TMEM245: variants seen among roughly 807,000 people sequenced by gnomAD.
The protein encoded by TMEM245 is transmembrane protein 245.
In TMEM245, 69 loss-of-function variants were observed where a neutral mutation model predicts 101.2. The ratio of observed to expected loss-of-function variants is 0.68; its 90% CI spans 0.56 to 0.83. The LOEUF (loss-of-function observed/expected upper bound fraction) is 0.83. TMEM245 is among the 40% of genes least tolerant of loss of function. The probability of loss-of-function intolerance (pLI) is 0.00; values close to 1 mark genes in which losing one functional copy is unlikely to be tolerated. For synonymous variants in TMEM245, 537 were observed against 449.8 expected (o/e 1.19, Z -2.45); for missense variants, 1,075 against 1,092.8 (o/e 0.98, Z 0.23).
At chr9:109,103,872 G>C (rs1830339802) in intron 3 of TMEM245, among the ~76,000 whole-genome samples, 1 of 152,132 alleles carries the variant, frequency 6.6e-6, no homozygotes, top group African/African-American at 2.4e-5. Flanking sequence ...GACCACCAGA[G>C]ATCAGGAGTT....
At chr9:109,115,431 A>C (rs12352618) in intron 1 of TMEM245, among the ~76,000 whole-genome samples, 8,309 of 152,022 alleles carry the variant, frequency 0.055, 364 homozygotes, top group East Asian at 0.13. Flanking sequence ...CATAGATATA[A>C]AAATAAAAGG....
chr9:109,067,118 C>T (rs1255077006), intron 9 of TMEM245, among the ~76,000 whole-genome samples: 1 of 151,366 alleles, frequency 6.6e-6, no homozygotes, highest in African/African-American at 2.4e-5. Context: ...CTTAATGATT[C>T]ACAAATGTCT....
chr9:109,117,870 G>A (rs979755113), intron 1 of TMEM245, among the ~76,000 whole-genome samples: 1 of 152,152 alleles, frequency 6.6e-6, no homozygotes, highest in Non-Finnish European at 1.5e-5. Context: ...ATTTTTCTTA[G>A]AACATAGTGT....
At chr9:109,070,107 G>A (rs760389700) in intron 9 of TMEM245, among the ~76,000 whole-genome samples, 4 of 152,164 alleles carry the variant, frequency 2.6e-5, no homozygotes, top group Admixed American at 6.5e-5. Flanking sequence ...TCCACAGGGC[G>A]CACCTCCAGA....
intron 7 of TMEM245, among the ~76,000 whole-genome samples, chr9:109,085,683 C>G (rs925900484): frequency 1.3e-5 from 2 of 152,184 alleles, no homozygotes; most frequent in East Asian, 3.9e-4. Context: ...TTTCACACAT[C>G]AAAGGAGACT....
Position 109,036,281 on chromosome 9 carries a change from T to C in TMEM245, c.2324A>G (p.Lys775Arg), listed in dbSNP as rs761157736. 1.2e-6 allele frequency: 2 copies of C among 1,613,712 alleles called. No homozygotes were observed. Among genetic ancestry groups the C allele is most frequent in the Non-Finnish European group, 1.7e-6 (2 of 1,179,820 alleles). The change falls in exon 16 of 18, where the codon AAG becomes AGG. Residue 775 changes from lysine to arginine, a missense_variant. Around this residue, in one of 2 missense-constraint regions of TMEM245, gnomAD observed 267 missense variants for 351.3 expected, o/e 0.76. Transcript: ENST00000374586. The part of the protein sequence containing the change: ...DLWLTQGLGC[K>R]AILLLIFHLL... ...ATGAAAAATCAACAGTAAAATGGCC[T>C]TGCATCCTAACCCTTGTGTCAGCCA...
intron 11 of TMEM245, 36 bp downstream of exon 11, chr9:109,060,318 A>C: frequency 6.9e-7 from 1 of 1,442,174 alleles, no homozygotes; most frequent in Non-Finnish European, 9.6e-7. Context: ...GGACTTTATT[A>C]GTTTACAACA....
chr9:109,074,794 A>G (rs762657197), intron 8 of TMEM245, among the ~76,000 whole-genome samples: 16 of 152,226 alleles, frequency 1.1e-4, no homozygotes, highest in Middle Eastern at 3.2e-3. Context: ...CCATCAAGTG[A>G]TACCACTTCC....
At chr9:109,088,065 T>A (rs1388540024) in intron 5 of TMEM245, among the ~76,000 whole-genome samples, 1 of 152,152 alleles carries the variant, frequency 6.6e-6, no homozygotes, top group Non-Finnish European at 1.5e-5. Flanking sequence ...AGAAGCCAAT[T>A]AAGAAGGTGG....
At chr9:109,026,366 A>T (rs1393292341) in intron 17 of TMEM245, among the ~76,000 whole-genome samples, 1 of 152,204 alleles carries the variant, frequency 6.6e-6, no homozygotes, top group Non-Finnish European at 1.5e-5. Flanking sequence ...TCTTGGGGGT[A>T]GGAAACGCTT....
chr9:109,028,921 G>A (rs989845229), intron 17 of TMEM245, among the ~76,000 whole-genome samples: 18 of 152,308 alleles, frequency 1.2e-4, no homozygotes, highest in East Asian at 5.8e-4. Context: ...GTCCTAAGCA[G>A]AGGACCCAAC....
rs1411083482 is a variant in TMEM245, at chr9:109,091,100, G to A, written c.972C>T (p.Ser324=). The A allele has an allele frequency of 3.1e-6, 5 of 1,614,056 alleles. No homozygotes were observed. The highest frequency in any genetic ancestry group is 4.2e-6 in the Non-Finnish European group (5 of 1,179,940). ...APTLSTSPSP[S]SPSPTSPSPT... is the part of the protein sequence containing the mutation. ...GTGAAGGGGAAGTGGGTGAAGGGGA[G>A]GAGGGTGAAGGGGAGGTGGACAACG... Residue 324 remains serine, a synonymous_variant, in exon 5 of 18, where the codon TCC becomes TCT. Coordinates refer to ENST00000374586, the MANE Select transcript of TMEM245 (RefSeq NM_032012.4).
At chr9:109,068,968 C>T (rs989475203) in intron 9 of TMEM245, among the ~76,000 whole-genome samples, 40 of 152,198 alleles carry the variant, frequency 2.6e-4, no homozygotes, top group African/African-American at 8.9e-4. Flanking sequence ...TGACATGAAG[C>T]TACATAGAGG....
Position 109,119,382 on chromosome 9 carries a change from C to G in TMEM245, c.532G>C (p.Ala178Pro), listed in dbSNP as rs766776871. 2.6e-6 allele frequency: 4 copies of G among 1,528,966 alleles called. No individual in the cohort carries two copies. The highest frequency in any genetic ancestry group is 3.5e-6 in the Non-Finnish European group (4 of 1,142,132). 94.7% of individuals were successfully genotyped at this position (1,528,966 alleles called of 1,614,324 possible). Residue 178 changes from alanine (A) to proline (P), a missense_variant, in exon 1 of 18, where the codon GCT becomes CCT. By Grantham distance (27) the Ala-to-Pro change is conservative. This residue lies in a region of TMEM245 where 808 missense variants were observed against 741.5 expected (regional missense o/e 1.09). Transcript: ENST00000374586. ...AGCCCGCGGCAGATGAGCGTGGCAGCGTGCACCAGCAGCACCTGCACGCCC... is the reference window on the plus strand; with the variant it reads ...AGCCCGCGGCAGATGAGCGTGGCAGGGTGCACCAGCAGCACCTGCACGCCC... Reference protein sequence around the residue: ...YLGVQVLLVHAATLICRGLDY... With the variant: ...YLGVQVLLVHPATLICRGLDY...
Position 109,060,282 on chromosome 9 carries a change from C to T in TMEM245, c.1722+72G>A, listed in dbSNP as rs1212270026. On this transcript the variant is annotated intron_variant, in intron 11 of 17. Transcript: ENST00000374586. Reference sequence around the variant, plus strand: ...AATGAAATCCCACTGTGAATATAATCCTATCTAGTTGATGAGTCAATAAAA... The same window carrying T: ...AATGAAATCCCACTGTGAATATAATTCTATCTAGTTGATGAGTCAATAAAA... 6.4e-6 allele frequency: 7 copies of T among 1,090,856 alleles called. No individual in the cohort carries two copies. In the East Asian group the frequency reaches 1.5e-4, roughly 23 times the overall value. The allele number at this position is 1,090,856 out of a possible 1,614,324, so 67.6% of individuals were successfully genotyped here. A position where few individuals can be genotyped will look rare whatever the true frequency, so the allele number is the denominator to read the frequency against.
rs755399182 is a variant in TMEM245, at chr9:109,032,365, CTTTTTTTTTTTTTTTTTTTTTT to C, written c.2594+920_2594+941del. Reference sequence around the variant, plus strand: ...GCATTTGGTTGTCCTATTTCTTTTCCTTTTTTTTTTTTTTTTTTTTTTTTTTTTTTTTTTTTGAGACAAGAGT... The same window carrying C: ...GCATTTGGTTGTCCTATTTCTTTTCCTTTTTTTTTTTTTTGAGACAAGAGT... On this transcript the variant is annotated intron_variant, in intron 17 of 17. Transcript: ENST00000374586. 5.1e-4 allele frequency among the ~76,000 whole-genome samples: 21 copies of C among 40,980 alleles called. 1 individual carries two copies. The highest frequency in any genetic ancestry group is 2.1e-3 in the South Asian group (2 of 936). The allele number at this position is 40,980 out of a possible 152,430, so 26.9% of individuals were successfully genotyped here.
In TMEM245 at chr9:109,108,431, AAAAAAAAAAG is replaced by A; in HGVS notation, c.697+12_697+21del. The A allele has an allele frequency of 7.2e-7, 1 of 1,396,052 alleles. No homozygotes were observed. Among genetic ancestry groups the A allele is most frequent in the Non-Finnish European group, 9.6e-7 (1 of 1,039,654 alleles). The allele number at this position is 1,396,052 out of a possible 1,614,324, so 86.5% of individuals were successfully genotyped here. On this transcript the variant is annotated intron_variant, in intron 2 of 17. Coordinates refer to ENST00000374586, the MANE Select transcript of TMEM245 (RefSeq NM_032012.4). ...CCTTAGGCTAGACTTAAAAAAAAAA[AAAAAAAAAAG>A]AAGGAACCCACCTAAATGAAAAAGC...
intron 12 of TMEM245, among the ~76,000 whole-genome samples, chr9:109,052,956 A>C (rs1828730132): frequency 6.6e-6 from 1 of 152,212 alleles, no homozygotes; most frequent in Non-Finnish European, 1.5e-5. Flanking sequence ...AAAAAAAGAA[A>C]GGGAATCAAC....
At chr9:109,036,019 T>C (rs1014609870) in intron 16 of TMEM245, 187 bp downstream of exon 16, 9 of 275,742 alleles carry the variant, frequency 3.3e-5, no homozygotes, top group Non-Finnish European at 5.1e-5. Context: ...CCCCAAAATA[T>C]CATGCCTTGT....
Sources: gnomAD v4.1 joint callset for allele counts (sites outside exome capture counted in the v4.1 genomes callset) on GRCh38, gnomAD v4.1.1 for gene constraint, gnomAD v4.1.1 regional missense constraint, MANE v1.5 for transcripts, NCBI Gene and HGNC (gene_info 2026-07-23, HGNC 2026-07-21) for gene names.